SNX13: variants seen among roughly 807,000 people sequenced by gnomAD.
The protein encoded by SNX13 is sorting nexin 13, also known as sorting nexin-13.
Under a neutral mutation model 133.6 loss-of-function variants are expected in SNX13, and 45 were observed. The observed-to-expected ratio is 0.34, with a 90% CI of 0.27 to 0.43. SNX13 has a LOEUF of 0.43. Ranked by LOEUF, SNX13 falls within the 20% of genes least tolerant of loss-of-function variation. The pLI, the probability that SNX13 is intolerant of heterozygous loss-of-function variation, is 1.00. For synonymous variants in SNX13, 414 were observed against 373.9 expected, an observed-to-expected ratio of 1.11 and a Z score of -1.24; for missense variants, 1,032 against 1,145.1, an observed-to-expected ratio of 0.90 and a Z score of 1.43.
At chr7:17,926,619 C>T (rs1800778649) in intron 1 of SNX13, among the ~76,000 whole-genome samples, 1 of 152,170 alleles carries the variant, frequency 6.6e-6, no homozygotes, top group South Asian at 2.1e-4. Flanking sequence ...GGCACAGTGG[C>T]TCACACCTGT....
At chr7:17,873,262 G>A (rs750955206) in intron 8 of SNX13, among the ~76,000 whole-genome samples, 2 of 152,132 alleles carry the variant, frequency 1.3e-5, no homozygotes, top group Non-Finnish European at 2.9e-5. Flanking sequence ...GTTCTTTCAT[G>A]TACACACAGT....
chr7:17,890,686 C>CA (rs1206199153), intron 4 of SNX13, among the ~76,000 whole-genome samples: 15 of 151,468 alleles, frequency 9.9e-5, no homozygotes, highest in African/African-American at 3.4e-4. Context: ...TCTGGTATCC[C>CA]AACTTACCTA....
intron 7 of SNX13, among the ~76,000 whole-genome samples, chr7:17,873,963 T>C (rs984108597): frequency 3.3e-5 from 5 of 152,212 alleles, no homozygotes; most frequent in African/African-American, 1.2e-4. Flanking sequence ...TAAAAGTTAT[T>C]CACACATATA....
At chr7:17,934,033 A>AACAT (rs1301386172) in intron 1 of SNX13, among the ~76,000 whole-genome samples, 1 of 152,212 alleles carries the variant, frequency 6.6e-6, no homozygotes, top group African/African-American at 2.4e-5. Context: ...TATAGTGCTT[A>AACAT]ACATACAGGT....
intron 9 of SNX13, among the ~76,000 whole-genome samples, chr7:17,859,522 T>C (rs1009224651): frequency 6.6e-6 from 1 of 152,184 alleles, no homozygotes; most frequent in Non-Finnish European, 1.5e-5. Context: ...TTCATTCTTT[T>C]TTCTACTGTG....
chr7:17,794,756 G>A (rs980898476), intron 25 of SNX13: 1 of 151,666 alleles, frequency 6.6e-6, no homozygotes, highest in African/African-American at 2.4e-5. Context: ...AATGAATAGT[G>A]ACAAATGCTG....
chr7:17,895,018 A>T (rs1210476173), intron 2 of SNX13, among the ~76,000 whole-genome samples: 1 of 152,196 alleles, frequency 6.6e-6, no homozygotes, highest in East Asian at 1.9e-4. Flanking sequence ...TATATCTGAT[A>T]TTATTATTAA....
intron 20 of SNX13, among the ~76,000 whole-genome samples, chr7:17,806,827 C>T (rs1785352819): frequency 6.6e-6 from 1 of 152,108 alleles, no homozygotes; most frequent in Non-Finnish European, 1.5e-5. Context: ...CAGGGTGGGG[C>T]GTCGCGTCAC....
In SNX13 at chr7:17,850,375, G is replaced by C. The variant is rs1791067416; in HGVS notation, c.1037C>G (p.Ser346Ter). The change falls in exon 11 of 26, where the codon TCA (serine) becomes TGA (stop). Residue 346 changes from serine to a stop codon, truncating the protein, a stop_gained. Coordinates refer to ENST00000428135, the MANE Select transcript of SNX13 (RefSeq NM_015132.5). LOFTEE classifies it high-confidence loss of function. ...SLLFVKKVCD[S>*]RIQRLQSGKE... ...GCCTGACTGCAATCGCTGTATTCTT[G>C]AGTCACATACCTTCTTTACGAATAG... is the stretch of plus-strand genomic sequence containing the variant. The C allele has an allele frequency of 6.3e-7, 1 of 1,596,486 alleles. No homozygotes were observed.
chr7:17,919,094 G>A (rs1380748470), intron 1 of SNX13, among the ~76,000 whole-genome samples: 1 of 152,152 alleles, frequency 6.6e-6, no homozygotes, highest in Non-Finnish European at 1.5e-5. Context: ...TGCAAAAGAG[G>A]GGAAGAATGG....
chr7:17,899,794 TTGGTC>T (rs952445342), intron 1 of SNX13: 2 of 152,150 alleles, frequency 1.3e-5, no homozygotes, highest in African/African-American at 2.4e-5. Flanking sequence ...GTCTCCAGGA[TTGGTC>T]TGTGGTGTCT....
chr7:17,799,273 G>T, intron 22 of SNX13, 119 bp from the exon 23 acceptor site: 1 of 841,592 alleles, frequency 1.2e-6, no homozygotes, highest in Non-Finnish European at 1.7e-6. Flanking sequence ...TTACATTTTA[G>T]CCTTTGTAAC....
intron 12 of SNX13, among the ~76,000 whole-genome samples, chr7:17,841,588 A>ACACG (rs1789906927): frequency 6.7e-6 from 1 of 150,136 alleles, no homozygotes; most frequent in Admixed American, 6.7e-5. Context: ...ACACACGCAC[A>ACACG]CACACCCCAA....
chr7:17,847,263 T>C (rs894638671), intron 11 of SNX13, among the ~76,000 whole-genome samples: 1 of 152,032 alleles, frequency 6.6e-6, no homozygotes, highest in Admixed American at 6.5e-5. Context: ...ACGTAACAAA[T>C]ATGGGCCTCA....
intron 11 of SNX13, 31 bp downstream of exon 11, chr7:17,850,316 C>G (rs755306259): frequency 2.2e-5 from 32 of 1,450,688 alleles, no homozygotes; most frequent in Non-Finnish European, 2.6e-5. Flanking sequence ...GTATTTATAA[C>G]TAAACGTTAA....
chr7:17,801,257 CA>C (rs1479294391), intron 22 of SNX13, among the ~76,000 whole-genome samples: 1 of 150,172 alleles, frequency 6.7e-6, no homozygotes. Context: ...CAATGTTGAG[CA>C]AAAAAAAGTC....
At chr7:17,888,854 T>G (rs549675506) in intron 5 of SNX13, 1 of 391,334 alleles carries the variant, frequency 2.6e-6, no homozygotes, top group Admixed American at 3.0e-5. Context: ...AAACCAAGGT[T>G]CAGAGTTTAA....
At chr7:17,820,172 G>T (rs1007447235) in intron 18 of SNX13, among the ~76,000 whole-genome samples, 1 of 152,004 alleles carries the variant, frequency 6.6e-6, no homozygotes, top group Non-Finnish European at 1.5e-5. Context: ...TAACTAGAAA[G>T]AAAATTACAA....
chr7:17,872,102 T>C (rs1434379438), intron 8 of SNX13, among the ~76,000 whole-genome samples: 1 of 152,148 alleles, frequency 6.6e-6, no homozygotes, highest in African/African-American at 2.4e-5. Flanking sequence ...AGAAGGTAAA[T>C]CTGAAATAAA....
Sources: gnomAD v4.1 joint callset for allele counts (sites outside exome capture counted in the v4.1 genomes callset) on GRCh38, gnomAD v4.1.1 for gene constraint, MANE v1.5 for transcripts, NCBI Gene and HGNC (gene_info 2026-07-23, HGNC 2026-07-21) for gene names.